COL23A1: variants seen among roughly 807,000 people sequenced by gnomAD.
COL23A1 encodes collagen type XXIII alpha 1 chain.
Under a neutral mutation model 99.3 loss-of-function variants are expected in COL23A1, and 97 were observed. The ratio of observed to expected loss-of-function variants is 0.98; its 90% confidence interval spans 0.83 to 1.16. The LOEUF is 1.16. COL23A1 is among the 50% of genes most tolerant of loss of function. COL23A1 has a pLI of 0.00. For synonymous variants in COL23A1, 320 were observed against 308.2 expected, an observed-to-expected ratio of 1.04 and a Z score of -0.40; for missense variants, 762 against 757.4, an observed-to-expected ratio of 1.01 and a Z score of -0.07.
intron 2 of COL23A1, among the ~76,000 whole-genome samples, chr5:178,469,823 G>A (rs1199975648): frequency 1.3e-5 from 2 of 152,104 alleles, no homozygotes; most frequent in Non-Finnish European, 2.9e-5. Context: ...TAATGGTCTC[G>A]CAGGGTCGGG....
chr5:178,321,142 C>T (rs1419948165), intron 2 of COL23A1, among the ~76,000 whole-genome samples: 4 of 152,150 alleles, frequency 2.6e-5, no homozygotes, highest in Non-Finnish European at 5.9e-5. Flanking sequence ...TGGTAGAATA[C>T]ATAGCATGAA....
intron 2 of COL23A1, among the ~76,000 whole-genome samples, chr5:178,457,142 A>G (rs900996007): frequency 6.6e-6 from 1 of 152,206 alleles, no homozygotes; most frequent in Non-Finnish European, 1.5e-5. Context: ...ATCTCACTTC[A>G]GTCTAAGAGT....
Position 178,467,948 on chromosome 5 carries a change from C to T in COL23A1, c.361+92734G>A, listed in dbSNP as rs79216301. On this transcript the variant is annotated intron_variant, in intron 2 of 28. Transcript: ENST00000390654. ...GCGCTGCAGAGGCGTTAGCGACACACGGGCCCCAACAGGAGCCTTTCTCCT... is the reference window on the plus strand; with the variant it reads ...GCGCTGCAGAGGCGTTAGCGACACATGGGCCCCAACAGGAGCCTTTCTCCT... 5.8e-3 allele frequency among the ~76,000 whole-genome samples: 886 copies of T among 152,262 alleles called. 9 individuals are homozygous for T. The highest frequency in any genetic ancestry group is 0.02 in the African/African-American group (831 of 41,532).
intron 3 of COL23A1, among the ~76,000 whole-genome samples, chr5:178,292,726 C>T (rs1158877246): frequency 2.6e-5 from 4 of 152,112 alleles, no homozygotes; most frequent in African/African-American, 9.7e-5. Flanking sequence ...GACAGCACAG[C>T]CAAGAGGATC....
In COL23A1 at chr5:178,384,226, C is replaced by T. The variant is rs565110912; in HGVS notation, c.362-77307G>A. 7.9e-5 allele frequency among the ~76,000 whole-genome samples: 12 copies of T among 152,290 alleles called. No individual in the cohort carries two copies. Among genetic ancestry groups the T allele is most frequent in the East Asian group, 1.9e-4 (1 of 5,172 alleles). ...AGCAGCGTGGAGCCAGACGCTGCTG[C>T]GAGCTGAGCTGCGATCGCAAATGCA... is the stretch of plus-strand genomic sequence containing the variant. On this transcript the variant is annotated intron_variant, in intron 2 of 28. Transcript: ENST00000390654. The surrounding 1 kb of genome is among the most constrained non-coding windows in gnomAD (Gnocchi z 5.5).
At chr5:178,418,728 G>T (rs1372552444) in intron 2 of COL23A1, among the ~76,000 whole-genome samples, 1 of 152,236 alleles carries the variant, frequency 6.6e-6, no homozygotes, top group African/African-American at 2.4e-5. Context: ...AGAGAGAGAA[G>T]ATCAGAAACA....
chr5:178,582,881 G>T (rs1013314418), intron 1 of COL23A1, among the ~76,000 whole-genome samples: 1 of 152,206 alleles, frequency 6.6e-6, no homozygotes, highest in Admixed American at 6.5e-5. Flanking sequence ...CTGGGAGTAG[G>T]TGGCCTGACC....
At chr5:178,356,766 G>A (rs1048079079) in intron 2 of COL23A1, among the ~76,000 whole-genome samples, 5 of 152,002 alleles carry the variant, frequency 3.3e-5, no homozygotes, top group East Asian at 1.9e-4. Flanking sequence ...CAGGAGTTAC[G>A]CACCCTCCCC....
chr5:178,546,526 C>T (rs1761588096), intron 2 of COL23A1, among the ~76,000 whole-genome samples: 1 of 152,204 alleles, frequency 6.6e-6, no homozygotes, highest in Admixed American at 6.5e-5. Context: ...CCGTCTGCCC[C>T]CCAGAGCTGC....
chr5:178,528,975 C>G (rs1220563156), intron 2 of COL23A1, among the ~76,000 whole-genome samples: 3 of 152,326 alleles, frequency 2.0e-5, no homozygotes, highest in South Asian at 4.1e-4. Flanking sequence ...ACAACATGAC[C>G]CAAAATTCAG....
At chr5:178,253,262 C>T (rs1765128227) in intron 16 of COL23A1, among the ~76,000 whole-genome samples, 1 of 151,260 alleles carries the variant, frequency 6.6e-6, no homozygotes, top group African/African-American at 2.4e-5. Flanking sequence ...CCACCCCTGC[C>T]CCGGAAGCTC....
chr5:178,502,021 C>A (rs938447147), intron 2 of COL23A1, among the ~76,000 whole-genome samples: 2 of 152,220 alleles, frequency 1.3e-5, no homozygotes, highest in Admixed American at 6.5e-5. Context: ...AGGGAATAGG[C>A]AAAATACAAG....
At chr5:178,312,317 G>T (rs922887922) in intron 2 of COL23A1, among the ~76,000 whole-genome samples, 1 of 152,192 alleles carries the variant, frequency 6.6e-6, no homozygotes, top group African/African-American at 2.4e-5. Context: ...GCCAGCCAGG[G>T]CTCCAGCTCG....
At chr5:178,300,751 A>C (rs1383036350) in intron 3 of COL23A1, among the ~76,000 whole-genome samples, 1 of 134,218 alleles carries the variant, frequency 7.5e-6, no homozygotes, top group Admixed American at 7.5e-5. Context: ...TTTAGTAGAG[A>C]TGGGATTTCA....
chr5:178,242,444 C>T lies in COL23A1; in HGVS notation c.1441-50G>A, dbSNP rs375637749. On this transcript the variant is annotated intron_variant, in intron 25 of 28. Coordinates refer to ENST00000390654, the MANE Select transcript of COL23A1 (RefSeq NM_173465.4). Reference sequence around the variant, plus strand: ...CCCGAAAATGAGGCTGGAGGTTTGCCCCTCTGTTACCGGCTCATCTCTGTT... The same window carrying T: ...CCCGAAAATGAGGCTGGAGGTTTGCTCCTCTGTTACCGGCTCATCTCTGTT... 3.4e-4 allele frequency: 538 copies of T among 1,578,508 alleles called. 2 individuals are homozygous for T. The African/African-American group carries it at 6.3e-3, about 19-fold the overall frequency.
chr5:178,566,825 A>G (rs942920184), intron 1 of COL23A1, among the ~76,000 whole-genome samples: 5 of 151,872 alleles, frequency 3.3e-5, no homozygotes, highest in African/African-American at 1.2e-4. Context: ...CAAAAAAAAA[A>G]GAAAGAAAGA....
At chr5:178,376,340 A>G (rs1374755193) in intron 2 of COL23A1, among the ~76,000 whole-genome samples, 1 of 152,202 alleles carries the variant, frequency 6.6e-6, no homozygotes, top group African/African-American at 2.4e-5. Flanking sequence ...CTGTCTTCAC[A>G]TCTCTGAGAA....
At position 178,238,514 on chromosome 5, in the gene COL23A1, G is replaced by T; in HGVS notation, c.*184C>A. 2.7e-6 allele frequency: 2 copies of T among 738,892 alleles called. No homozygotes were observed. Among genetic ancestry groups the T allele is most frequent in the Non-Finnish European group, 2.3e-6 (1 of 438,216 alleles). 45.8% of individuals were successfully genotyped at this position (738,892 alleles called of 1,614,324 possible). ...CCTCAGGTACACATCTCCCTGGTCTGGCCTGTCCACTTTCCGGCAGCTTCA... is the reference window on the plus strand; with the variant it reads ...CCTCAGGTACACATCTCCCTGGTCTTGCCTGTCCACTTTCCGGCAGCTTCA... On this transcript the variant is annotated 3_prime_UTR_variant, in exon 29 of 29. Transcript: ENST00000390654.
rs533374037 is a variant in COL23A1, at chr5:178,309,805, C to G, written c.362-2886G>C. ...GCACTCAGTCCCCCACTCTGCCACT[C>G]GCTCTGCTGTGCTCGATTCTCCCTC... On this transcript the variant is annotated intron_variant, in intron 2 of 28. Coordinates refer to ENST00000390654, the MANE Select transcript of COL23A1 (RefSeq NM_173465.4). This position sits in a 1 kb window ranked among gnomAD's most constrained non-coding sequence, Gnocchi z 4.7. 3.3e-5 allele frequency among the ~76,000 whole-genome samples: 5 copies of G among 152,188 alleles called. No homozygotes were observed. In the East Asian group the frequency reaches 7.7e-4, roughly 24 times the overall value.
Sources: allele counts gnomAD v4.1 joint callset (sites outside exome capture counted in the v4.1 genomes callset), GRCh38; gene constraint gnomAD v4.1.1; non-coding constraint Gnocchi (gnomAD v3.1); transcripts MANE v1.5; gene names NCBI Gene and HGNC (gene_info 2026-07-23, HGNC 2026-07-21).